The following UPRT variants were observed in gnomAD, a reference collection of about 807,000 sequenced individuals.
The protein encoded by UPRT is RP11-311P8.3.
A neutral mutation model predicts 22.6 loss-of-function variants in UPRT; 5 were observed. That is an observed-to-expected ratio of 0.22 (90% CI 0.12 to 0.47). The LOEUF (loss-of-function observed/expected upper bound fraction) is 0.47, where lower values mean the gene tolerates loss of function less well. Among genes scored for constraint, UPRT ranks in the 20% least tolerant of loss-of-function variants. UPRT has a pLI of 0.99. For missense variants in UPRT, 181 were observed against 239.9 expected (o/e 0.75, Z 1.62); for synonymous variants, 77 against 87.7 (o/e 0.88, Z 0.68).
chrX:75,189,054 G>T (rs776654644), intron 4 of UPRT, among the ~76,000 whole-genome samples: 3 of 112,096 alleles, frequency 2.7e-5, no homozygotes, highest in Admixed American at 9.4e-5. Flanking sequence ...CGCTTCTCTA[G>T]TTCTTTTATT....
chrX:75,174,591 A>G lies in UPRT; in HGVS notation c.-447+6712A>G, dbSNP rs181203741. On this transcript the variant is annotated intron_variant, in intron 4 of 13. Transcript: ENST00000652605. ...TCCTGTAAACCCCAGGCGGCATCTC[A>G]TACTATCCCTTACTGGTTAGTGTAA... Among the ~76,000 whole-genome samples, 334 of 111,405 alleles carry G rather than the reference A, an allele frequency of 3.0e-3. 1 individual carries two copies. The highest frequency in any genetic ancestry group is 4.9e-3 in the Non-Finnish European group (258 of 53,012).
rs148347581 is a variant in UPRT, at chrX:75,290,876, T to A, written c.387-2596T>A. On this transcript the variant is annotated intron_variant, in intron 1 of 6. Coordinates refer to ENST00000373383, the MANE Select transcript of UPRT (RefSeq NM_145052.4). ...CTAAGTACCTGGGTGATAGGATCAT[T>A]TGTACCCCAAACCTCAGCATCATGC... is the stretch of plus-strand genomic sequence containing the variant. Among the ~76,000 whole-genome samples the A allele has an allele frequency of 2.4e-3, 270 of 110,742 alleles. 1 individual carries two copies. The highest frequency in any genetic ancestry group is 4.5e-3 in the Non-Finnish European group (236 of 52,829).
intron 4 of UPRT, among the ~76,000 whole-genome samples, chrX:75,228,172 A>T (rs1275956912): frequency 8.9e-6 from 1 of 111,803 alleles, no homozygotes; most frequent in Non-Finnish European, 1.9e-5. Flanking sequence ...ATCCAACTTC[A>T]TGAGGAGTTC....
At chrX:75,287,233 T>G (rs1269949403) in intron 1 of UPRT, among the ~76,000 whole-genome samples, 1 of 111,877 alleles carries the variant, frequency 8.9e-6, no homozygotes, top group Non-Finnish European at 1.9e-5. Context: ...AATGTCAATA[T>G]CTGCTGTGAG....
At chrX:75,163,926 G>A (rs146389195) in intron 3 of UPRT, among the ~76,000 whole-genome samples, 247 of 111,053 alleles carry the variant, frequency 2.2e-3, no homozygotes, top group African/African-American at 7.7e-3. Context: ...TCCTGTAATC[G>A]CAGCACTTTG....
intron 4 of UPRT, among the ~76,000 whole-genome samples, chrX:75,225,667 T>G (rs1057482431): frequency 7.2e-5 from 8 of 111,699 alleles, no homozygotes; most frequent in Non-Finnish European, 3.8e-5. Context: ...CCAGAGGCTT[T>G]AAGTGTTTTG....
intron 4 of UPRT, among the ~76,000 whole-genome samples, chrX:75,212,150 G>A (rs891781491): frequency 3.6e-5 from 4 of 111,858 alleles, no homozygotes; most frequent in Admixed American, 9.5e-5. Flanking sequence ...AATGGCAGGC[G>A]GCTTACAAAA....
chrX:75,187,063 T>A (rs1195925463), intron 4 of UPRT, among the ~76,000 whole-genome samples: 1 of 111,394 alleles, frequency 9.0e-6, no homozygotes, highest in Non-Finnish European at 1.9e-5. Context: ...GATCCTGTCA[T>A]TGTGATGTTA....
chrX:75,297,938 T>A (rs1014530919), intron 4 of UPRT: 5 of 144,947 alleles, frequency 3.4e-5, no homozygotes, highest in African/African-American at 1.6e-4. Flanking sequence ...ATTTCTTCTG[T>A]TTTTATTTCT....
intron 3 of UPRT, among the ~76,000 whole-genome samples, chrX:75,164,551 T>C (rs1303804269): frequency 1.8e-5 from 2 of 112,023 alleles, no homozygotes; most frequent in East Asian, 5.6e-4. Flanking sequence ...TCCATTTATA[T>C]GAAATGGCCA....
chrX:75,183,996 T>A (rs1261814701), intron 4 of UPRT, among the ~76,000 whole-genome samples: 1 of 112,370 alleles, frequency 8.9e-6, no homozygotes, highest in Non-Finnish European at 1.9e-5. Context: ...TGATGGTAGT[T>A]TCTTTTGCTG....
chrX:75,243,723 A>T (rs1270699595), intron 4 of UPRT, among the ~76,000 whole-genome samples: 1 of 111,894 alleles, frequency 8.9e-6, no homozygotes, highest in African/African-American at 3.2e-5. Flanking sequence ...ATTCTAATTC[A>T]TATTCTGTGG....
At chrX:75,179,591 G>T (rs1402205341) in intron 4 of UPRT, among the ~76,000 whole-genome samples, 1 of 113,081 alleles carries the variant, frequency 8.8e-6, no homozygotes, top group Non-Finnish European at 1.9e-5. Context: ...GGGGAGGCTC[G>T]GGCCGCACAG....
chrX:75,214,137 A>G (rs2082386627), intron 4 of UPRT, among the ~76,000 whole-genome samples: 1 of 112,283 alleles, frequency 8.9e-6, no homozygotes, highest in African/African-American at 3.2e-5. Context: ...CTGCTCTCAA[A>G]CCACAATGGA....
chrX:75,260,671 A>G (rs2082564853), intron 4 of UPRT, among the ~76,000 whole-genome samples: 1 of 111,893 alleles, frequency 8.9e-6, no homozygotes, highest in African/African-American at 3.3e-5. Flanking sequence ...TTAACACTCC[A>G]CTGTCAACAT....
intron 4 of UPRT, among the ~76,000 whole-genome samples, chrX:75,244,290 A>G (rs2082497100): frequency 8.9e-6 from 1 of 112,150 alleles, no homozygotes; most frequent in African/African-American, 3.2e-5. Context: ...TGTGTTGGTA[A>G]GATTCCTGTA....
At chrX:75,196,862 T>TAAC (rs1289605870) in intron 4 of UPRT, among the ~76,000 whole-genome samples, 1 of 110,957 alleles carries the variant, frequency 9.0e-6, no homozygotes, top group Non-Finnish European at 1.9e-5. Context: ...AAGATAATAA[T>TAAC]AATAATAATA....
chrX:75,250,737 A>T (rs2082526308), intron 4 of UPRT, among the ~76,000 whole-genome samples: 1 of 111,454 alleles, frequency 9.0e-6, no homozygotes, highest in African/African-American at 3.3e-5. Flanking sequence ...CTGATACCAA[A>T]GCCTGGCAGA....
chrX:75,293,449 A>T (rs755728005), intron 1 of UPRT, 23 bp from the exon 2 acceptor site: 3 of 1,197,305 alleles, frequency 2.5e-6, no homozygotes, highest in Non-Finnish European at 2.2e-6. Flanking sequence ...ATTTAGACTA[A>T]AACTTGTATT....
Sources: gnomAD v4.1 joint callset for allele counts (sites outside exome capture counted in the v4.1 genomes callset) on GRCh38, gnomAD v4.1.1 for gene constraint, MANE v1.5 for transcripts, NCBI Gene and HGNC (gene_info 2026-07-23, HGNC 2026-07-21) for gene names.